TMEM234: variants seen among roughly 807,000 people sequenced by gnomAD.
TMEM234 encodes chromosome 1 open reading frame 91.
In TMEM234, 21 loss-of-function variants were observed where a neutral mutation model predicts 17.8. The observed-to-expected ratio is 1.18, with a 90% CI of 0.84 to 1.70. TMEM234 has a LOEUF of 1.70. Ranked by LOEUF, TMEM234 falls within the 40% of genes most tolerant of loss-of-function variation. The pLI, the probability that TMEM234 is intolerant of heterozygous loss-of-function variation, is 0.00. For synonymous variants in TMEM234, 83 were observed against 73.5 expected, an observed-to-expected ratio of 1.13 and a Z score of -0.66; for missense variants, 137 against 166.9, an observed-to-expected ratio of 0.82 and a Z score of 0.99.
downstream of TMEM234, chr1:32,215,765 C>CA (rs1189494831): frequency 6.8e-7 from 1 of 1,478,816 alleles, no homozygotes; most frequent in Non-Finnish European, 9.2e-7. Context: ...TGGCCATACT[C>CA]ACGGCTCCAT....
chr1:32,216,411 C>G lies in TMEM234; in HGVS notation c.*442G>C. ...TCTTCCCTCGGTTCCACCCCTCATT[C>G]AGCCAAAGCGCTCTGACTGAGTCCC... is the stretch of plus-strand genomic sequence containing the variant. On this transcript the variant is annotated 3_prime_UTR_variant, in exon 5 of 5. Coordinates refer to ENST00000309777, the MANE Select transcript of TMEM234 (RefSeq NM_019118.5). The G allele has an allele frequency of 6.4e-7, 1 of 1,551,660 alleles. No homozygotes were observed. The highest frequency in any genetic ancestry group is 8.7e-7 in the Non-Finnish European group (1 of 1,146,980).
At chr1:32,220,994 T>C (rs1353632048) in intron 3 of TMEM234, 137 bp downstream of exon 3, 1 of 667,038 alleles carries the variant, frequency 1.5e-6, no homozygotes, top group Admixed American at 2.5e-5. Context: ...GAGAAGAGGA[T>C]AGTAAGAGGG....
In TMEM234 at chr1:32,221,129, A is replaced by AC; in HGVS notation, c.235+1dup. 6.2e-7 allele frequency: 1 copy of AC among 1,613,018 alleles called. No individual in the cohort carries two copies. The highest frequency in any genetic ancestry group is 8.5e-7 in the Non-Finnish European group (1 of 1,179,528). On this transcript the variant is annotated splice_donor_variant, in intron 3 of 4. Coordinates refer to ENST00000309777, the MANE Select transcript of TMEM234 (RefSeq NM_019118.5). LOFTEE classifies it high-confidence loss of function. ...GCAGAACAGTTCCAAGCCAGGACCC[A>AC]CCTGTCGATGCCAAGGTGAGGTAAT... is the stretch of plus-strand genomic sequence containing the variant.
downstream of TMEM234, chr1:32,214,848 C>T (rs752730834): frequency 1.5e-5 from 24 of 1,613,800 alleles, no homozygotes; most frequent in South Asian, 9.9e-5. Flanking sequence ...GGAACCAGAC[C>T]GAATTAAGCC....
intron 1 of TMEM234, 57 bp from the exon 2 acceptor site, chr1:32,222,075 C>A: frequency 1.3e-6 from 2 of 1,537,408 alleles, no homozygotes; most frequent in Admixed American, 4.0e-5. Context: ...GCCCACCCCG[C>A]CCTCTCCTGG....
chr1:32,215,610 T>C (rs1638318897), downstream of TMEM234: 3 of 1,470,158 alleles, frequency 2.0e-6, no homozygotes, highest in Middle Eastern at 1.8e-4. Context: ...ACTGGCAGCC[T>C]TGGGCCCCAG....
intron 3 of TMEM234, among the ~76,000 whole-genome samples, chr1:32,220,735 TC>T (rs1430686987): frequency 6.6e-6 from 1 of 152,164 alleles, no homozygotes; most frequent in Non-Finnish European, 1.5e-5. Flanking sequence ...CCTAGATGTT[TC>T]CCATTCATTA....
At chr1:32,220,614 TTAAA>T (rs1446814421) in intron 3 of TMEM234, among the ~76,000 whole-genome samples, 21 of 152,194 alleles carry the variant, frequency 1.4e-4, no homozygotes, top group African/African-American at 5.1e-4. Context: ...ATGATTGGAA[TTAAA>T]TAATGTGTAA....
rs183590772 is a variant in TMEM234 at position 32,221,156 on chromosome 1, G to A, written c.210C>T (p.Leu70=). The A allele has an allele frequency of 2.1e-5, 34 of 1,613,614 alleles. No individual in the cohort carries two copies. Among genetic ancestry groups the A allele is most frequent in the Admixed American group, 6.7e-5 (4 of 59,950 alleles). Residue 70 remains leucine (L), a synonymous_variant, in exon 3 of 5, where the codon CTC becomes CTT. Transcript: ENST00000309777. ...PFLLNQCGSL[L]YYLTLASTDL... is the part of the protein sequence containing the mutation. ...CTGTCGATGCCAAGGTGAGGTAATA[G>A]AGAAGGGATCCACACTGGTTGAGGA...
chr1:32,215,110 T>TAAAA, downstream of TMEM234: 2 of 672,114 alleles, frequency 3.0e-6, no homozygotes, highest in Non-Finnish European at 4.5e-6. Context: ...AGACTGCCCG[T>TAAAA]AAAAAAAAAA....
At chr1:32,221,758 G>A in intron 2 of TMEM234, 109 bp downstream of exon 2, 2 of 1,466,012 alleles carry the variant, frequency 1.4e-6, no homozygotes, top group Non-Finnish European at 9.2e-7. Context: ...TGACTTTTCC[G>A]AGAATTTCTA....
chr1:32,218,294 C>T (rs1369282247), intron 3 of TMEM234, among the ~76,000 whole-genome samples: 3 of 151,106 alleles, frequency 2.0e-5, no homozygotes, highest in African/African-American at 4.9e-5. Context: ...GGCATAGTGG[C>T]GGACGCCTGT....
intron 3 of TMEM234, among the ~76,000 whole-genome samples, chr1:32,219,788 T>C (rs1482467387): frequency 1.3e-5 from 2 of 152,114 alleles, no homozygotes; most frequent in Admixed American, 6.6e-5. Flanking sequence ...AGTGAGGGCA[T>C]TGGAGTGAGG....
Position 32,216,845 on chromosome 1 carries a change from CG to C in TMEM234, c.*7del. 1 of 1,613,912 alleles carries C rather than the reference CG, an allele frequency of 6.2e-7. No individual in the cohort carries two copies. The highest frequency in any genetic ancestry group is 1.1e-5 in the South Asian group (1 of 90,988). On this transcript the variant is annotated 3_prime_UTR_variant, in exon 5 of 5. Transcript: ENST00000309777. ...GAGGCAGCAGAGCTGGAAGTGGGTTCGGCCCACTCAAAGGGTAGACTGTTGC... is the reference window on the plus strand; with the variant it reads ...GAGGCAGCAGAGCTGGAAGTGGGTTCGCCCACTCAAAGGGTAGACTGTTGC...
intron 3 of TMEM234, among the ~76,000 whole-genome samples, chr1:32,217,811 C>G (rs1021438760): frequency 1.8e-4 from 28 of 152,154 alleles, no homozygotes; most frequent in Non-Finnish European, 1.5e-5. Context: ...GTAAAAGAAA[C>G]AAAGGCTCAA....
chr1:32,219,658 C>A (rs775989777), intron 3 of TMEM234, among the ~76,000 whole-genome samples: 243 of 152,162 alleles, frequency 1.6e-3, no homozygotes, highest in Non-Finnish European at 2.9e-3. Flanking sequence ...TAGGCCTGAG[C>A]CACTGTGCCC....
At chr1:32,218,610 G>A (rs1342277781) in intron 3 of TMEM234, among the ~76,000 whole-genome samples, 2 of 151,684 alleles carry the variant, frequency 1.3e-5, no homozygotes, top group African/African-American at 4.8e-5. Flanking sequence ...AGAGACCAGC[G>A]TGACCAACAT....
chr1:32,220,655 A>G (rs1008607529), intron 3 of TMEM234, among the ~76,000 whole-genome samples: 1 of 152,208 alleles, frequency 6.6e-6, no homozygotes, highest in African/African-American at 2.4e-5. Flanking sequence ...GACGTAGTAG[A>G]GGGCAGTCAC....
intron 3 of TMEM234, among the ~76,000 whole-genome samples, chr1:32,219,029 T>C (rs948616964): frequency 6.6e-6 from 1 of 151,688 alleles, no homozygotes; most frequent in African/African-American, 2.4e-5. Context: ...GGAGAGTCAC[T>C]TGAACCTGGG....
Sources: allele counts gnomAD v4.1 joint callset (sites outside exome capture counted in the v4.1 genomes callset), GRCh38; gene constraint gnomAD v4.1.1; transcripts MANE v1.5; gene names NCBI Gene and HGNC (gene_info 2026-07-23, HGNC 2026-07-21).